MAP1B: variants seen among roughly 807,000 people sequenced by gnomAD.
The protein encoded by MAP1B is microtubule associated protein 1B.
Under a neutral mutation model 176.1 loss-of-function variants are expected in MAP1B, and 12 were observed. That is an observed-to-expected ratio of 0.07 (90% CI 0.04 to 0.11). The LOEUF is 0.11. Ranked by LOEUF, MAP1B falls within the 10% of genes least tolerant of loss-of-function variation. MAP1B has a pLI of 1.00. For synonymous variants in MAP1B, 1,044 were observed against 1,135.0 expected, an observed-to-expected ratio of 0.92 and a Z score of 1.61; for missense variants, 2,523 against 2,990.5, an observed-to-expected ratio of 0.84 and a Z score of 3.65.
intron 2 of MAP1B, among the ~76,000 whole-genome samples, chr5:72,166,565 C>A (rs1273373049): frequency 6.6e-6 from 1 of 152,198 alleles, no homozygotes; most frequent in East Asian, 1.9e-4. Context: ...TGATTCTCCC[C>A]CTGGCTCTGT....
intron 1 of MAP1B, among the ~76,000 whole-genome samples, chr5:72,108,712 G>T (rs909811292): frequency 6.6e-6 from 1 of 152,114 alleles, no homozygotes; most frequent in African/African-American, 2.4e-5. Context: ...CCCCCGTCGG[G>T]CACGGCTGGC....
At chr5:72,187,403 A>T (rs1443461396) in intron 4 of MAP1B, among the ~76,000 whole-genome samples, 2 of 152,208 alleles carry the variant, frequency 1.3e-5, no homozygotes, top group Non-Finnish European at 2.9e-5. Flanking sequence ...GAGATCAAAG[A>T]TTTTGATATG....
intron 2 of MAP1B, chr5:72,179,520 C>T: frequency 1.6e-6 from 1 of 619,110 alleles, no homozygotes; most frequent in Non-Finnish European, 2.0e-6. Flanking sequence ...ACTTTGTGAG[C>T]ATCCCAGCCG....
At chr5:72,134,881 G>T (rs746549726) in intron 2 of MAP1B, among the ~76,000 whole-genome samples, 1 of 148,224 alleles carries the variant, frequency 6.7e-6, no homozygotes, top group African/African-American at 2.5e-5. Context: ...TTGCTTTTTC[G>T]TGATGGCATT....
At chr5:72,185,452 G>T (rs557996983) in intron 3 of MAP1B, among the ~76,000 whole-genome samples, 1 of 151,958 alleles carries the variant, frequency 6.6e-6, no homozygotes, top group Non-Finnish European at 1.5e-5. Flanking sequence ...AAAATTAGCC[G>T]GGCATGGTGT....
intron 2 of MAP1B, among the ~76,000 whole-genome samples, chr5:72,142,701 C>G (rs1315818109): frequency 6.9e-6 from 1 of 144,542 alleles, no homozygotes; most frequent in African/African-American, 2.6e-5. Context: ...CCAAGTAGAA[C>G]AAGAAAAATT....
rs758322021 is a variant in MAP1B at position 72,197,139 on chromosome 5, T to C, written c.3784T>C (p.Ser1262Pro). The C allele has an allele frequency of 3.7e-6, 6 of 1,614,074 alleles. No homozygotes were observed. In the African/African-American group the frequency reaches 8.0e-5, roughly 22 times the overall value. The part of the protein sequence containing the change: ...SPSKSPSLSP[S>P]PPSPLEKTPL... ...ATCGAAGAGCCCGTCCCTGAGTCCA[T>C]CTCCACCATCACCCTTAGAAAAGAC... Residue 1262 changes from serine to proline, a missense_variant, in exon 5 of 7, where the codon TCT (serine) becomes CCT (proline). By Grantham distance (74) the Ser-to-Pro change is moderately conservative. Coordinates refer to ENST00000296755, the MANE Select transcript of MAP1B (RefSeq NM_005909.5).
At chr5:72,167,846 A>G (rs978892690) in intron 2 of MAP1B, among the ~76,000 whole-genome samples, 1 of 152,342 alleles carries the variant, frequency 6.6e-6, no homozygotes, top group African/African-American at 2.4e-5. Context: ...AGGAACTTTT[A>G]TAATGAATTT....
At position 72,122,737 on chromosome 5, in the gene MAP1B, G is replaced by T. The variant is rs137895700; in HGVS notation, c.286+6938G>T. 7.9e-4 allele frequency among the ~76,000 whole-genome samples: 120 copies of T among 151,366 alleles called. 1 individual carries two copies. The East Asian group carries it at 0.018, about 23-fold the overall frequency. On this transcript the variant is annotated intron_variant, in intron 2 of 6. Transcript: ENST00000296755. ...CTAATGGGCACTGTGGAACCACTCA[G>T]CATAGACAGGCATAGGCAGGAAGGT...
chr5:72,127,599 A>C (rs113078773), intron 2 of MAP1B, among the ~76,000 whole-genome samples: 1,965 of 152,300 alleles, frequency 0.013, 44 homozygotes, highest in African/African-American at 0.045. Context: ...CAGAACTTAA[A>C]GTATAATTTT....
intron 2 of MAP1B, among the ~76,000 whole-genome samples, chr5:72,120,715 TGC>T (rs1745513016): frequency 6.6e-6 from 1 of 152,046 alleles, no homozygotes; most frequent in South Asian, 2.1e-4. Context: ...CGTGAGCCAC[TGC>T]GCCCGGCCCC....
intron 2 of MAP1B, among the ~76,000 whole-genome samples, chr5:72,123,554 G>A (rs1579983763): frequency 6.6e-6 from 1 of 151,292 alleles, no homozygotes; most frequent in African/African-American, 2.4e-5. Flanking sequence ...GTGCGATCTC[G>A]GCTCACTGCA....
At chr5:72,167,593 A>G (rs949852655) in intron 2 of MAP1B, among the ~76,000 whole-genome samples, 4 of 152,236 alleles carry the variant, frequency 2.6e-5, no homozygotes, top group Admixed American at 2.6e-4. Context: ...TCCTTTTGCA[A>G]CTGTCATTCT....
chr5:72,163,562 T>G (rs1458779682), intron 2 of MAP1B, among the ~76,000 whole-genome samples: 1 of 152,208 alleles, frequency 6.6e-6, no homozygotes, highest in African/African-American at 2.4e-5. Flanking sequence ...ATACTTTTTT[T>G]GCCACTTGAG....
Position 72,186,865 on chromosome 5 carries a change from C to T in MAP1B, c.510+111C>T. On this transcript the variant is annotated intron_variant, in intron 4 of 6. Coordinates refer to ENST00000296755, the MANE Select transcript of MAP1B (RefSeq NM_005909.5). This position sits in a 1 kb window ranked among gnomAD's most constrained non-coding sequence, Gnocchi z 4.3. Reference sequence around the variant, plus strand: ...AGAAGGGAGGGAACCTCACAGCTCTCCTGAAATAAGCAAAACTGCATGATC... The same window carrying T: ...AGAAGGGAGGGAACCTCACAGCTCTTCTGAAATAAGCAAAACTGCATGATC... 1 of 1,305,352 alleles carries T rather than the reference C, an allele frequency of 7.7e-7. No homozygotes were observed. Among genetic ancestry groups the T allele is most frequent in the Non-Finnish European group, 1.1e-6 (1 of 937,032 alleles). The allele number at this position is 1,305,352 out of a possible 1,614,324, so 80.9% of individuals were successfully genotyped here.
At chr5:72,142,613 T>A (rs1258890616) in intron 2 of MAP1B, among the ~76,000 whole-genome samples, 1 of 152,036 alleles carries the variant, frequency 6.6e-6, no homozygotes, top group Non-Finnish European at 1.5e-5. Context: ...AAAAGATGAT[T>A]TAAGGAGATT....
intron 2 of MAP1B, among the ~76,000 whole-genome samples, 180 bp from the exon 3 acceptor site, chr5:72,183,563 A>G (rs1033938547): frequency 2.0e-5 from 3 of 152,202 alleles, no homozygotes; most frequent in Non-Finnish European, 4.4e-5. Flanking sequence ...GGAACCTACT[A>G]GTGGCTGCAC....
chr5:72,142,076 C>A (rs1745958068), intron 2 of MAP1B, among the ~76,000 whole-genome samples: 1 of 152,208 alleles, frequency 6.6e-6, no homozygotes, highest in South Asian at 2.1e-4. Context: ...TCCTAATATG[C>A]TGACAAGGCA....
chr5:72,194,107 C>T lies in MAP1B; in HGVS notation c.752C>T (p.Ser251Leu), dbSNP rs181565277. The change falls in exon 5 of 7, where the codon TCG becomes TTG. Residue 251 changes from serine (S) to leucine (L), a missense_variant. By Grantham distance (145) the Ser-to-Leu change is moderately radical. Coordinates refer to ENST00000296755, the MANE Select transcript of MAP1B (RefSeq NM_005909.5). This position sits in a 1 kb window ranked among gnomAD's most constrained non-coding sequence, Gnocchi z 7.2. ...SPFDILEPPT[S>L]GGFLKLSKPC... ...TTTGACATCTTGGAACCTCCCACAT[C>T]GGGTGGATTTCTGAAGCTCTCCAAG... 6 of 1,614,170 alleles carry T rather than the reference C, an allele frequency of 3.7e-6. No individual in the cohort carries two copies. Among genetic ancestry groups the T allele is most frequent in the Non-Finnish European group, 4.2e-6 (5 of 1,180,038 alleles).
Sources: gnomAD v4.1 joint callset for allele counts (sites outside exome capture counted in the v4.1 genomes callset) on GRCh38, gnomAD v4.1.1 for gene constraint, Gnocchi (gnomAD v3.1) non-coding constraint, MANE v1.5 for transcripts, NCBI Gene and HGNC (gene_info 2026-07-23, HGNC 2026-07-21) for gene names.